SDK2: variants seen among roughly 807,000 people sequenced by gnomAD.
SDK2 encodes sidekick cell adhesion molecule 2, also known as protein sidekick-2.
A neutral mutation model predicts 253.9 loss-of-function variants in SDK2; 105 were observed. The observed-to-expected ratio is 0.41, with a 90% CI of 0.35 to 0.49. The LOEUF (loss-of-function observed/expected upper bound fraction) is 0.49, where lower values mean the gene tolerates loss of function less well. Ranked by LOEUF, SDK2 falls within the 20% of genes least tolerant of loss-of-function variation. The pLI is 0.06. For missense variants in SDK2, 2,608 were observed against 3,003.0 expected, an observed-to-expected ratio of 0.87 and a Z score of 3.07; for synonymous variants, 1,249 against 1,234.9, an observed-to-expected ratio of 1.01 and a Z score of -0.24.
At position 73,642,865 on chromosome 17, in the gene SDK2, G is replaced by C. The variant is rs1398518992; in HGVS notation, c.64+1160C>G. Among the ~76,000 whole-genome samples, 1 of 152,090 alleles carries C rather than the reference G, an allele frequency of 6.6e-6. No homozygotes were observed. Among genetic ancestry groups the C allele is most frequent in the African/African-American group, 2.4e-5 (1 of 41,398 alleles). ...GAGAGCTGATTATTTTCATCTCTTT[G>C]ATCTTGGCTCTCTGGATTGCCTGGC... On this transcript the variant is annotated intron_variant, in intron 1 of 44. Transcript: ENST00000392650. This position sits in a 1 kb window ranked among gnomAD's most constrained non-coding sequence, Gnocchi z 4.7.
At chr17:73,499,146 G>T (rs1048097948) in intron 2 of SDK2, among the ~76,000 whole-genome samples, 1 of 152,226 alleles carries the variant, frequency 6.6e-6, no homozygotes, top group East Asian at 1.9e-4. Context: ...CTTCTAAGGG[G>T]AGGCCAGAAA....
At chr17:73,550,366 C>A (rs1264734566) in intron 1 of SDK2, among the ~76,000 whole-genome samples, 1 of 152,198 alleles carries the variant, frequency 6.6e-6, no homozygotes, top group African/African-American at 2.4e-5. Flanking sequence ...AGCCCTTTGT[C>A]CCGCTGGGAA....
intron 4 of SDK2, among the ~76,000 whole-genome samples, chr17:73,453,922 A>G (rs1200875402): frequency 1.3e-5 from 2 of 152,246 alleles, no homozygotes; most frequent in African/African-American, 2.4e-5. Context: ...TGCTGGTTCT[A>G]TAAGATTATA....
rs1442620938 is a variant in SDK2, at chr17:73,395,138, G to T, written c.3592+17C>A. 1 of 1,561,224 alleles carries T rather than the reference G, an allele frequency of 6.4e-7. No homozygotes were observed. Among genetic ancestry groups the T allele is most frequent in the Non-Finnish European group, 8.7e-7 (1 of 1,153,210 alleles). On this transcript the variant is annotated intron_variant, in intron 25 of 44. Coordinates refer to ENST00000392650, the MANE Select transcript of SDK2 (RefSeq NM_001144952.2). This position sits in a 1 kb window ranked among gnomAD's most constrained non-coding sequence, Gnocchi z 4.3. ...AGGGGACAGGCAGCAGGGTGGCTGG[G>T]TGTGAGGGGTTGGTACCTGACTCCC...
At chr17:73,619,031 G>T (rs1042182477) in intron 1 of SDK2, among the ~76,000 whole-genome samples, 3 of 152,132 alleles carry the variant, frequency 2.0e-5, no homozygotes, top group Non-Finnish European at 4.4e-5. Context: ...GCTGAGTGTG[G>T]TGGTGCGTGC....
chr17:73,583,486 C>T (rs907651449), intron 1 of SDK2, among the ~76,000 whole-genome samples: 5 of 152,140 alleles, frequency 3.3e-5, no homozygotes, highest in African/African-American at 1.2e-4. Context: ...GGCCAGCTCC[C>T]CACCAAATAA....
chr17:73,358,682 T>C (rs1264149950), intron 39 of SDK2, among the ~76,000 whole-genome samples: 3 of 152,032 alleles, frequency 2.0e-5, no homozygotes, highest in Non-Finnish European at 2.9e-5. Flanking sequence ...GGAGCGGGGC[T>C]GAAGAGTCCA....
intron 40 of SDK2, among the ~76,000 whole-genome samples, chr17:73,356,448 C>T (rs2062592885): frequency 6.6e-6 from 1 of 152,182 alleles, no homozygotes; most frequent in African/African-American, 2.4e-5. Context: ...CGAACCTCTC[C>T]CTGGGTCTGC....
At chr17:73,483,917 G>C (rs376297952) in intron 2 of SDK2, among the ~76,000 whole-genome samples, 108 of 151,514 alleles carry the variant, frequency 7.1e-4, no homozygotes, top group African/African-American at 2.4e-3. Context: ...AGGGTATAAG[G>C]AGTTAAAACT....
At chr17:73,418,988 T>G (rs568393873) in intron 16 of SDK2, among the ~76,000 whole-genome samples, 178 bp downstream of exon 16, 1 of 152,278 alleles carries the variant, frequency 6.6e-6, no homozygotes, top group Non-Finnish European at 1.5e-5. Context: ...CACTGGAAGT[T>G]CTACTAGGTG....
Position 73,375,883 on chromosome 17 carries a change from A to C in SDK2, c.4980+3294T>G, listed in dbSNP as rs183072893. On this transcript the variant is annotated intron_variant, in intron 36 of 44. Coordinates refer to ENST00000392650, the MANE Select transcript of SDK2 (RefSeq NM_001144952.2). The stretch of plus-strand genomic sequence containing the variant: ...GAAAAAAAAGAAAGAAAGAAATAAA[A>C]TAAACTAAACTAAAATAAAATAAAA... Among the ~76,000 whole-genome samples, 244 of 151,566 alleles carry C rather than the reference A, an allele frequency of 1.6e-3. 1 individual carries two copies. The highest frequency in any genetic ancestry group is 4.1e-3 in the African/African-American group (169 of 41,280).
intron 37 of SDK2, 70 bp from the exon 38 acceptor site, chr17:73,365,465 A>G: frequency 6.8e-7 from 1 of 1,477,516 alleles, no homozygotes; most frequent in Non-Finnish European, 9.1e-7. Flanking sequence ...TTCAGCTCCA[A>G]GGAGCTAGCG....
intron 1 of SDK2, among the ~76,000 whole-genome samples, chr17:73,523,086 G>A (rs1455091260): frequency 6.6e-6 from 1 of 152,192 alleles, no homozygotes; most frequent in Non-Finnish European, 1.5e-5. Flanking sequence ...AAGAGACCAA[G>A]GGAGAATTGG....
Position 73,531,467 on chromosome 17 carries a change from C to T in SDK2, c.65-23870G>A, listed in dbSNP as rs190699637. Among the ~76,000 whole-genome samples the T allele has an allele frequency of 1.7e-3, 252 of 152,226 alleles. 1 individual carries two copies. The highest frequency in any genetic ancestry group is 5.7e-3 in the African/African-American group (236 of 41,536). On this transcript the variant is annotated intron_variant, in intron 1 of 44. Transcript: ENST00000392650. ...CCTGTTCCAGCTCTGGTGCATAACA[C>T]GGCGTCTGGTCCACCGTTGGCATTC...
chr17:73,515,312 G>A (rs1164917816), intron 1 of SDK2, among the ~76,000 whole-genome samples: 6 of 152,176 alleles, frequency 3.9e-5, no homozygotes, highest in Admixed American at 1.3e-4. Context: ...TGAGAGGGAC[G>A]GGGGACATTC....
rs565280473 is a variant in SDK2, at chr17:73,571,950, C to T, written c.65-64353G>A. ...CGGCCCACGGGGAAGGAGGAGCGCC[C>T]GCGGGGCCAGCTCCCCTGGGTGGGC... On this transcript the variant is annotated intron_variant, in intron 1 of 44. Coordinates refer to ENST00000392650, the MANE Select transcript of SDK2 (RefSeq NM_001144952.2). 3.2e-3 allele frequency among the ~76,000 whole-genome samples: 488 copies of T among 152,262 alleles called. 3 individuals carry two copies. The highest frequency in any genetic ancestry group is 5.3e-3 in the Non-Finnish European group (360 of 68,002).
intron 1 of SDK2, among the ~76,000 whole-genome samples, chr17:73,539,853 A>G (rs11656423): frequency 0.59 from 88,597 of 151,130 alleles, 26,215 homozygotes; most frequent in East Asian, 0.64. Context: ...GCGGAGATGG[A>G]GTCATGCGGC....
chr17:73,394,409 G>A, intron 25 of SDK2, 85 bp from the exon 26 acceptor site: 3 of 771,958 alleles, frequency 3.9e-6, no homozygotes, highest in African/African-American at 1.8e-5. Context: ...GGGGGCCGAG[G>A]GAGGGGCCAG....
intron 1 of SDK2, among the ~76,000 whole-genome samples, chr17:73,589,696 C>T (rs1289115979): frequency 1.3e-5 from 2 of 152,246 alleles, no homozygotes; most frequent in Non-Finnish European, 2.9e-5. Flanking sequence ...CTGGTCACCA[C>T]AGGCTGGAAC....
Sources: gnomAD v4.1 joint callset for allele counts (sites outside exome capture counted in the v4.1 genomes callset) on GRCh38, gnomAD v4.1.1 for gene constraint, Gnocchi (gnomAD v3.1) non-coding constraint, MANE v1.5 for transcripts, NCBI Gene and HGNC (gene_info 2026-07-23, HGNC 2026-07-21) for gene names.